The following ELP4 variants were observed in gnomAD, a reference collection of about 807,000 sequenced individuals.
The protein encoded by ELP4 is elongator complex protein 4.
Under a neutral mutation model 48.9 loss-of-function variants are expected in ELP4, and 51 were observed. The observed-to-expected ratio is 1.04, with a 90% CI of 0.83 to 1.32. The LOEUF (loss-of-function observed/expected upper bound fraction) is 1.32, where lower values mean the gene tolerates loss of function less well. Among genes scored for constraint, ELP4 ranks in the 40% most tolerant of loss-of-function variants. The pLI is 0.00. For missense variants in ELP4, 519 were observed against 514.6 expected (o/e 1.01, Z -0.08); for synonymous variants, 210 against 189.2 (o/e 1.11, Z -0.90).
At chr11:31,683,158 G>C (rs1465546063) in intron 9 of ELP4, among the ~76,000 whole-genome samples, 1 of 151,990 alleles carries the variant, frequency 6.6e-6, no homozygotes, top group East Asian at 1.9e-4. Flanking sequence ...ACATTAGCCT[G>C]TAATGTATTT....
intron 3 of ELP4, among the ~76,000 whole-genome samples, chr11:31,590,280 T>G (rs902382772): frequency 1.1e-4 from 16 of 152,106 alleles, no homozygotes; most frequent in Non-Finnish European, 1.8e-4. Context: ...GTTACTAAAT[T>G]TGTTCACTGC....
intron 1 of ELP4, chr11:31,511,438 TG>T (rs1350401610): frequency 6.6e-6 from 1 of 152,206 alleles, no homozygotes; most frequent in Non-Finnish European, 1.5e-5. Context: ...AATAACAAAA[TG>T]TTCCTAGTGT....
intron 3 of ELP4, among the ~76,000 whole-genome samples, chr11:31,566,147 C>G (rs149296150): frequency 6.6e-6 from 1 of 151,996 alleles, no homozygotes; most frequent in African/African-American, 2.4e-5. Flanking sequence ...TGCCTGAGCT[C>G]AGGAGTTCGA....
At chr11:31,576,053 A>G (rs1305447830) in intron 3 of ELP4, among the ~76,000 whole-genome samples, 2 of 152,224 alleles carry the variant, frequency 1.3e-5, no homozygotes, top group Non-Finnish European at 1.5e-5. Context: ...CCCATCTCAC[A>G]TGCAGAGACA....
At chr11:31,613,102 T>G (rs573594699) in intron 5 of ELP4, among the ~76,000 whole-genome samples, 14 of 152,262 alleles carry the variant, frequency 9.2e-5, no homozygotes, top group African/African-American at 3.4e-4. Flanking sequence ...CTGTAAAAAC[T>G]GCAGCAATGG....
At chr11:31,574,975 T>G (rs1350996517) in intron 3 of ELP4, among the ~76,000 whole-genome samples, 4 of 151,926 alleles carry the variant, frequency 2.6e-5, no homozygotes, top group Non-Finnish European at 5.9e-5. Context: ...AGACAATCGG[T>G]AATAATAAAC....
intron 9 of ELP4, among the ~76,000 whole-genome samples, chr11:31,749,113 G>T (rs940232203): frequency 6.6e-6 from 1 of 152,090 alleles, no homozygotes; most frequent in African/African-American, 2.4e-5. Flanking sequence ...ACTGAGATGG[G>T]GATGACTTAT....
chr11:31,659,895 G>A lies in ELP4; in HGVS notation c.1143+9674G>A, dbSNP rs530400872. On this transcript the variant is annotated intron_variant, in intron 9 of 9. Transcript: ENST00000640961. ...TAATCCAAGCTACTTGGGAGGCTGA[G>A]ACAGGAGAATTGCTTAAACCCAGGA... is the stretch of plus-strand genomic sequence containing the variant. Among the ~76,000 whole-genome samples the A allele has an allele frequency of 2.6e-5, 4 of 152,206 alleles. No individual in the cohort carries two copies. The South Asian group carries it at 6.2e-4, about 24-fold the overall frequency.
intron 9 of ELP4, among the ~76,000 whole-genome samples, chr11:31,756,046 G>A (rs1565142581): frequency 6.6e-6 from 1 of 152,286 alleles, no homozygotes; most frequent in East Asian, 1.9e-4. Flanking sequence ...AAAGGTTTGG[G>A]AAATTTATTT....
chr11:31,564,218 A>G (rs780631789), intron 3 of ELP4, among the ~76,000 whole-genome samples: 32 of 152,180 alleles, frequency 2.1e-4, no homozygotes, highest in Admixed American at 7.2e-4. Flanking sequence ...TAACAAAAGT[A>G]TCAGAATGTT....
At chr11:31,671,029 A>G (rs959677742) in intron 9 of ELP4, among the ~76,000 whole-genome samples, 1 of 152,116 alleles carries the variant, frequency 6.6e-6, no homozygotes, top group African/African-American at 2.4e-5. Flanking sequence ...TCATCAGAAT[A>G]ATTATATAAA....
In ELP4 at chr11:31,786,817, C is replaced by T; in HGVS notation, c.*3293C>T. 4.6e-6 allele frequency: 1 copy of T among 217,696 alleles called. No individual in the cohort carries two copies. The highest frequency in any genetic ancestry group is 9.2e-6 in the Non-Finnish European group (1 of 108,300). The allele number at this position is 217,696 out of a possible 1,614,324, so 13.5% of individuals were successfully genotyped here. A position where few individuals can be genotyped will look rare whatever the true frequency, so the allele number is the denominator to read the frequency against. ...GTAAAATGCATTTTTTTACTTAGAG[C>T]AGTTTGAACGTTTATTACTTAAAAC... On this transcript the variant is annotated 3_prime_UTR_variant, in exon 10 of 10. Coordinates refer to ENST00000640961, the MANE Select transcript of ELP4 (RefSeq NM_019040.5).
At chr11:31,563,460 G>C (rs938875076) in intron 3 of ELP4, among the ~76,000 whole-genome samples, 10 of 152,120 alleles carry the variant, frequency 6.6e-5, no homozygotes, top group African/African-American at 1.9e-4. Flanking sequence ...AAAGAGCTTG[G>C]AATGAAACGG....
intron 9 of ELP4, among the ~76,000 whole-genome samples, chr11:31,708,411 C>A (rs1490617194): frequency 6.6e-6 from 1 of 152,144 alleles, no homozygotes; most frequent in Non-Finnish European, 1.5e-5. Context: ...TCTCAGTTAT[C>A]TACAAGTGTA....
At chr11:31,677,124 G>T (rs1945941903) in intron 9 of ELP4, among the ~76,000 whole-genome samples, 1 of 152,196 alleles carries the variant, frequency 6.6e-6, no homozygotes, top group African/African-American at 2.4e-5. Context: ...TCAAATTGAT[G>T]AGAACAAAGT....
At chr11:31,762,413 CTTGAAATTAAATGATAGAGT>C (rs1947962999) in intron 9 of ELP4, among the ~76,000 whole-genome samples, 1 of 151,980 alleles carries the variant, frequency 6.6e-6, no homozygotes, top group Non-Finnish European at 1.5e-5. Context: ...TTCGAAAGAA[CTTGAAATTAAATGATAGAGT>C]TTAAAAAATG....
chr11:31,629,591 T>G (rs1944815894), intron 6 of ELP4, among the ~76,000 whole-genome samples: 2 of 151,978 alleles, frequency 1.3e-5, no homozygotes, highest in South Asian at 4.1e-4. Context: ...TTCTCCTAAT[T>G]TCATACCTAA....
At chr11:31,681,886 G>A (rs1291874766) in intron 9 of ELP4, 8 of 271,398 alleles carry the variant, frequency 2.9e-5, no homozygotes, top group Admixed American at 5.1e-5. Context: ...GATTACAGGC[G>A]CCCACCACCA....
intron 1 of ELP4, chr11:31,512,435 C>T (rs559462877): frequency 6.6e-6 from 1 of 152,168 alleles, no homozygotes; most frequent in Non-Finnish European, 1.5e-5. Context: ...ATTACTTATT[C>T]CAAAGCATTT....
Sources: allele counts gnomAD v4.1 joint callset (sites outside exome capture counted in the v4.1 genomes callset), GRCh38; gene constraint gnomAD v4.1.1; transcripts MANE v1.5; gene names NCBI Gene and HGNC (gene_info 2026-07-23, HGNC 2026-07-21).